RALYL: variants seen among roughly 807,000 people sequenced by gnomAD.
RALYL encodes the protein RNA-binding Raly-like protein.
In RALYL, 29 loss-of-function variants were observed where a neutral mutation model predicts 35.1. That is an observed-to-expected ratio of 0.83 (90% CI 0.61 to 1.13). RALYL has a LOEUF of 1.13. Among genes scored for constraint, RALYL ranks in the 50% most tolerant of loss-of-function variants. The pLI is 0.00. For synonymous variants in RALYL, 120 were observed against 127.6 expected (o/e 0.94, Z 0.40); for missense variants, 359 against 360.4 (o/e 1.00, Z 0.03).
chr8:84,239,481 C>G (rs1827366194), intron 1 of RALYL, among the ~76,000 whole-genome samples: 1 of 152,214 alleles, frequency 6.6e-6, no homozygotes, highest in Non-Finnish European at 1.5e-5. Flanking sequence ...CATTAAATCT[C>G]TATGGCATTA....
intron 1 of RALYL, among the ~76,000 whole-genome samples, chr8:84,435,265 A>C (rs376102560): frequency 1.3e-5 from 2 of 152,150 alleles, no homozygotes; most frequent in African/African-American, 4.8e-5. Context: ...ATTCAAATTT[A>C]TTTCTGTATG....
At chr8:84,212,401 C>T (rs1819713469) in intron 1 of RALYL, among the ~76,000 whole-genome samples, 1 of 152,070 alleles carries the variant, frequency 6.6e-6, no homozygotes, top group Non-Finnish European at 1.5e-5. Flanking sequence ...ATGACGCCTT[C>T]ATTTTTTTTC....
chr8:84,896,222 G>C (rs999828584), intron 8 of RALYL, among the ~76,000 whole-genome samples: 1 of 152,154 alleles, frequency 6.6e-6, no homozygotes, highest in Non-Finnish European at 1.5e-5. Flanking sequence ...TTGTGCCAGA[G>C]AAGCCACATC....
intron 1 of RALYL, among the ~76,000 whole-genome samples, chr8:84,297,121 G>A (rs1317865566): frequency 2.6e-5 from 4 of 151,906 alleles, no homozygotes; most frequent in African/African-American, 9.7e-5. Context: ...CATGCCACAG[G>A]AGTATGGTTT....
chr8:84,821,795 A>G (rs1336369077), intron 4 of RALYL, among the ~76,000 whole-genome samples: 1 of 152,140 alleles, frequency 6.6e-6, no homozygotes, highest in Admixed American at 6.5e-5. Context: ...GCCACACATC[A>G]CTTATACTTT....
At chr8:84,184,876 G>T (rs1812096536) in intron 1 of RALYL, 4 of 1,194,702 alleles carry the variant, frequency 3.3e-6, no homozygotes, top group Non-Finnish European at 4.9e-6. Context: ...GGTAGAAGCG[G>T]CAGAGACCGC....
At chr8:84,333,628 G>T (rs1847237121) in intron 1 of RALYL, among the ~76,000 whole-genome samples, 1 of 152,074 alleles carries the variant, frequency 6.6e-6, no homozygotes, top group African/African-American at 2.4e-5. Flanking sequence ...GGCCTAGAAA[G>T]CCTGCTGACT....
intron 1 of RALYL, among the ~76,000 whole-genome samples, chr8:84,438,022 A>AT (rs2047929408): frequency 6.6e-6 from 1 of 151,946 alleles, no homozygotes; most frequent in Non-Finnish European, 1.5e-5. Context: ...ATGTTGAACA[A>AT]TTTTTCCTGT....
chr8:84,795,803 G>A (rs1821781188), intron 3 of RALYL, among the ~76,000 whole-genome samples: 1 of 152,152 alleles, frequency 6.6e-6, no homozygotes, highest in Non-Finnish European at 1.5e-5. Flanking sequence ...CCATCAGTCA[G>A]TTGACATGAA....
intron 1 of RALYL, among the ~76,000 whole-genome samples, chr8:84,518,796 A>G (rs948851887): frequency 2.0e-5 from 3 of 152,182 alleles, no homozygotes; most frequent in African/African-American, 7.2e-5. Flanking sequence ...AGTAGCCTAC[A>G]TGAAATCACT....
chr8:84,497,642 G>GTTT (rs71271999), intron 1 of RALYL, among the ~76,000 whole-genome samples: 39 of 117,228 alleles, frequency 3.3e-4, no homozygotes, highest in South Asian at 8.5e-4. Flanking sequence ...TTTTGTTTTT[G>GTTT]TTTTTTTTTT....
intron 2 of RALYL, among the ~76,000 whole-genome samples, chr8:84,620,230 C>T (rs1449820464): frequency 2.0e-5 from 3 of 147,000 alleles, no homozygotes; most frequent in African/African-American, 7.6e-5. Flanking sequence ...TTCAGGTACA[C>T]CAATCAGACG....
At chr8:84,423,714 T>C (rs910716284) in intron 1 of RALYL, among the ~76,000 whole-genome samples, 1 of 151,926 alleles carries the variant, frequency 6.6e-6, no homozygotes, top group African/African-American at 2.4e-5. Context: ...TGTTTAGTGC[T>C]TCCTTCAGGA....
chr8:84,480,737 A>G (rs986045274), intron 1 of RALYL, among the ~76,000 whole-genome samples: 3 of 152,140 alleles, frequency 2.0e-5, no homozygotes, highest in Non-Finnish European at 4.4e-5. Context: ...AAGTAGAAGG[A>G]CTAGTGATAG....
Position 84,184,203 on chromosome 8 carries a change from C to CT in RALYL, c.-241dup. 1 of 152,054 alleles carries CT rather than the reference C, an allele frequency of 6.6e-6. No individual in the cohort carries two copies. Among genetic ancestry groups the CT allele is most frequent in the Non-Finnish European group, 1.5e-5 (1 of 68,000 alleles). The allele number at this position is 152,054 out of a possible 1,614,324, so 9.4% of individuals were successfully genotyped here. A position where few individuals can be genotyped will look rare whatever the true frequency, so the allele number is the denominator to read the frequency against. Reference sequence around the variant, plus strand: ...TTTTCCTCCTTTAAATTAACTATGACTTTTGCACATTTGACTTTTTTAAAA... The same window carrying CT: ...TTTTCCTCCTTTAAATTAACTATGACTTTTTGCACATTTGACTTTTTTAAAA... On this transcript the variant is annotated 5_prime_UTR_variant, in exon 1 of 9. An upstream open reading frame in the 5' UTR gains an earlier in-frame stop. Transcript: ENST00000521268.
At chr8:84,290,408 A>G (rs1838538692) in intron 1 of RALYL, among the ~76,000 whole-genome samples, 1 of 152,022 alleles carries the variant, frequency 6.6e-6, no homozygotes. Context: ...AGAGTCAGCA[A>G]AGGGAGATAA....
At chr8:84,391,258 A>G (rs925043764) in intron 1 of RALYL, among the ~76,000 whole-genome samples, 6 of 151,986 alleles carry the variant, frequency 3.9e-5, no homozygotes, top group African/African-American at 1.4e-4. Context: ...GCTGCTTATT[A>G]GGAAGCCCTA....
chr8:84,199,839 T>C (rs1351114695), intron 1 of RALYL, among the ~76,000 whole-genome samples: 3 of 152,198 alleles, frequency 2.0e-5, no homozygotes, highest in African/African-American at 7.2e-5. Flanking sequence ...TTCTCTATGC[T>C]GTTCCAAATG....
At position 84,311,372 on chromosome 8, in the gene RALYL, C is replaced by T. The variant is rs931737972; in HGVS notation, c.-24+126948C>T. On this transcript the variant is annotated intron_variant, in intron 1 of 8. Coordinates refer to ENST00000521268, the MANE Select transcript of RALYL (RefSeq NM_173848.7). Reference sequence around the variant, plus strand: ...ATCTTATCCAATAATGATGAATTGTCTGAAAAATAAAGAAAATAAACAGAA... The same window carrying T: ...ATCTTATCCAATAATGATGAATTGTTTGAAAAATAAAGAAAATAAACAGAA... 4.6e-5 allele frequency among the ~76,000 whole-genome samples: 7 copies of T among 151,824 alleles called. No individual in the cohort carries two copies. The East Asian group carries it at 7.7e-4, about 17-fold the overall frequency.
Sources: allele counts gnomAD v4.1 joint callset (sites outside exome capture counted in the v4.1 genomes callset), GRCh38; gene constraint gnomAD v4.1.1; transcripts MANE v1.5; gene names NCBI Gene and HGNC (gene_info 2026-07-23, HGNC 2026-07-21).